INPP4B: variants seen among roughly 807,000 people sequenced by gnomAD.
INPP4B encodes the protein inositol polyphosphate 4-phosphatase type II.
A neutral mutation model predicts 122.5 loss-of-function variants in INPP4B; 55 were observed. That is an observed-to-expected ratio of 0.45 (90% confidence interval 0.36 to 0.56). The LOEUF is 0.56. Ranked by LOEUF, INPP4B falls within the 20% of genes least tolerant of loss-of-function variation. The pLI is 0.00. For missense variants in INPP4B, 1,000 were observed against 1,097.7 expected, an observed-to-expected ratio of 0.91 and a Z score of 1.26; for synonymous variants, 403 against 388.7, an observed-to-expected ratio of 1.04 and a Z score of -0.43.
intron 2 of INPP4B, among the ~76,000 whole-genome samples, chr4:142,657,641 G>C (rs1289508019): frequency 6.6e-6 from 1 of 152,098 alleles, no homozygotes; most frequent in Non-Finnish European, 1.5e-5. Flanking sequence ...AGTTAAATTA[G>C]GAAAAAGCTG....
chr4:142,792,157 G>A (rs185070398), intron 1 of INPP4B, among the ~76,000 whole-genome samples: 1 of 152,130 alleles, frequency 6.6e-6, no homozygotes, highest in East Asian at 1.9e-4. Flanking sequence ...GAAGCCTGAG[G>A]CAGAAGGATC....
intron 1 of INPP4B, among the ~76,000 whole-genome samples, chr4:142,775,804 A>G (rs901259565): frequency 1.3e-5 from 2 of 152,154 alleles, no homozygotes; most frequent in Non-Finnish European, 2.9e-5. Flanking sequence ...GGAAGGAAGC[A>G]TCTCATTTCT....
chr4:142,645,355 G>A (rs1751513984), intron 2 of INPP4B, among the ~76,000 whole-genome samples: 1 of 152,176 alleles, frequency 6.6e-6, no homozygotes, highest in South Asian at 2.1e-4. Flanking sequence ...AAATTGAGCA[G>A]AAATCAAGGC....
At chr4:142,268,970 G>A (rs1226647888) in intron 10 of INPP4B, among the ~76,000 whole-genome samples, 1 of 151,924 alleles carries the variant, frequency 6.6e-6, no homozygotes, top group Non-Finnish European at 1.5e-5. Flanking sequence ...AATTCCTTGT[G>A]GGCCCCAACT....
At chr4:142,629,819 C>T (rs755334371) in intron 2 of INPP4B, among the ~76,000 whole-genome samples, 40 of 152,076 alleles carry the variant, frequency 2.6e-4, no homozygotes, top group Non-Finnish European at 4.1e-4. Flanking sequence ...TTGCCCTTCA[C>T]CTGCATGCCT....
At chr4:142,571,089 CAAA>C (rs374253787) in intron 2 of INPP4B, among the ~76,000 whole-genome samples, 7 of 84,248 alleles carry the variant, frequency 8.3e-5, no homozygotes, top group African/African-American at 7.5e-5. Flanking sequence ...TCATGTTTCT[CAAA>C]AAAAAAAAAA....
At chr4:142,189,056 TCTC>T (rs1275347514) in intron 15 of INPP4B, among the ~76,000 whole-genome samples, 1 of 152,160 alleles carries the variant, frequency 6.6e-6, no homozygotes, top group East Asian at 1.9e-4. Context: ...ATGCAAAAAG[TCTC>T]CTATTTATAA....
At chr4:142,119,989 G>A (rs961116905) in intron 21 of INPP4B, among the ~76,000 whole-genome samples, 1 of 151,214 alleles carries the variant, frequency 6.6e-6, no homozygotes, top group Non-Finnish European at 1.5e-5. Context: ...CACAGTTTTA[G>A]CTCTTACATT....
intron 7 of INPP4B, among the ~76,000 whole-genome samples, chr4:142,382,932 A>G (rs1448445842): frequency 6.6e-6 from 1 of 151,924 alleles, no homozygotes; most frequent in South Asian, 2.1e-4. Context: ...GAAATAATTT[A>G]AGCATTTAAT....
chr4:142,729,189 C>T (rs1262678596), intron 1 of INPP4B, among the ~76,000 whole-genome samples: 2 of 152,154 alleles, frequency 1.3e-5, no homozygotes, highest in East Asian at 3.9e-4. Context: ...AGATGGGGAG[C>T]TCAGGCAGTA....
chr4:142,516,671 G>A (rs940575575), intron 2 of INPP4B, among the ~76,000 whole-genome samples: 5 of 152,066 alleles, frequency 3.3e-5, no homozygotes, highest in African/African-American at 1.2e-4. Context: ...TGTCCCTTTG[G>A]ATCCACACAT....
intron 3 of INPP4B, among the ~76,000 whole-genome samples, chr4:142,454,758 T>C (rs1028208958): frequency 6.6e-6 from 1 of 151,980 alleles, no homozygotes; most frequent in South Asian, 2.1e-4. Flanking sequence ...ATTGGGAAAA[T>C]GGTAATATCT....
At position 142,112,675 on chromosome 4, in the gene INPP4B, A is replaced by G. The variant is rs1168586304; in HGVS notation, c.2143T>C (p.Tyr715His). The change falls in exon 22 of 26, where the codon TAC becomes CAC. Residue 715 changes from tyrosine to histidine, a missense_variant. Coordinates refer to ENST00000262992, the MANE Select transcript of INPP4B (RefSeq NM_001101669.3). Reference sequence around the variant, plus strand: ...GCTGGAAGCTTGACCTCTACCACGTAATGTTCTCTAAAGAAGGCAGAGGAC... The same window carrying G: ...GCTGGAAGCTTGACCTCTACCACGTGATGTTCTCTAAAGAAGGCAGAGGAC... ...LPVITGRREH[Y>H]VVEVKLPARM... The G allele has an allele frequency of 1.2e-6, 2 of 1,609,472 alleles. No homozygotes were observed. Among genetic ancestry groups the G allele is most frequent in the East Asian group, 2.2e-5 (1 of 44,774 alleles).
At chr4:142,406,732 A>G (rs1182588980) in intron 5 of INPP4B, among the ~76,000 whole-genome samples, 2 of 152,214 alleles carry the variant, frequency 1.3e-5, no homozygotes, top group Non-Finnish European at 2.9e-5. Flanking sequence ...GAAAGCATGT[A>G]TGGAAAAAAC....
chr4:142,780,237 A>G (rs1325354913), intron 1 of INPP4B, among the ~76,000 whole-genome samples: 1 of 152,186 alleles, frequency 6.6e-6, no homozygotes, highest in African/African-American at 2.4e-5. Flanking sequence ...CTTCACTATG[A>G]TAAAAGCAAG....
At chr4:142,757,066 C>T (rs1770612486) in intron 1 of INPP4B, among the ~76,000 whole-genome samples, 1 of 152,030 alleles carries the variant, frequency 6.6e-6, no homozygotes, top group South Asian at 2.1e-4. Flanking sequence ...GCTTCCAGCC[C>T]CAGATAGATA....
chr4:142,121,985 T>C (rs2270659), intron 21 of INPP4B, 143 bp downstream of exon 21: 67,062 of 600,642 alleles, frequency 0.11, 4,397 homozygotes, highest in East Asian at 0.22. Context: ...ATATCATCCA[T>C]GTGTATTTCT....
intron 2 of INPP4B, among the ~76,000 whole-genome samples, chr4:142,478,187 G>A (rs991452289): frequency 2.0e-4 from 31 of 152,162 alleles, no homozygotes; most frequent in African/African-American, 7.2e-4. Flanking sequence ...GGCAGAGACT[G>A]AAGTTTTTTC....
chr4:142,511,186 A>C (rs1824667084), intron 2 of INPP4B, among the ~76,000 whole-genome samples: 1 of 152,158 alleles, frequency 6.6e-6, no homozygotes, highest in Non-Finnish European at 1.5e-5. Context: ...TTTTATTCTA[A>C]AATTTCAAGT....
Sources: gnomAD v4.1 joint callset for allele counts (sites outside exome capture counted in the v4.1 genomes callset) on GRCh38, gnomAD v4.1.1 for gene constraint, MANE v1.5 for transcripts, NCBI Gene and HGNC (gene_info 2026-07-23, HGNC 2026-07-21) for gene names.